Variants in VEPH1 observed in about 807,000 individuals in gnomAD.
The protein encoded by VEPH1 is ventricular zone expressed PH domain containing 1.
Under a neutral mutation model 85.2 loss-of-function variants are expected in VEPH1, and 80 were observed. The ratio of observed to expected loss-of-function variants is 0.94; its 90% CI spans 0.78 to 1.13. The LOEUF (loss-of-function observed/expected upper bound fraction) is 1.13, where lower values mean the gene tolerates loss of function less well. Ranked by LOEUF, VEPH1 falls within the 50% of genes most tolerant of loss-of-function variation. VEPH1 has a pLI of 0.00. For synonymous variants in VEPH1, 297 were observed against 348.0 expected (o/e 0.85, Z 1.63); for missense variants, 955 against 980.5 (o/e 0.97, Z 0.35).
chr3:157,323,001 C>A (rs1721516818), intron 9 of VEPH1, among the ~76,000 whole-genome samples: 1 of 152,076 alleles, frequency 6.6e-6, no homozygotes, highest in South Asian at 2.1e-4. Flanking sequence ...GCAGAACAAA[C>A]TCATTACTTT....
rs187176925 is a variant in VEPH1, at chr3:157,449,197, A to C, written c.529+10984T>G. Among the ~76,000 whole-genome samples the C allele has an allele frequency of 1.7e-4, 26 of 152,314 alleles. 1 individual carries two copies. The highest frequency in any genetic ancestry group is 6.3e-4 in the African/African-American group (26 of 41,544). On this transcript the variant is annotated intron_variant, in intron 4 of 13. Coordinates refer to ENST00000362010, the MANE Select transcript of VEPH1 (RefSeq NM_001167912.2). The stretch of plus-strand genomic sequence containing the variant: ...ATCTTATTTTTTAATTCAAGGGGAA[A>C]CATTAATATTTCCCTAATAAGTATA...
rs778392166 is a variant in VEPH1 at position 157,261,143 on chromosome 3, T to C, written c.2493A>G (p.Thr831=). ...AKERESREVT[T]YL ...GCTGACTTATAAATCCCTACAGATATGTGGTTACTTCTCTACTTTCCCTTT... is the reference window on the plus strand; with the variant it reads ...GCTGACTTATAAATCCCTACAGATACGTGGTTACTTCTCTACTTTCCCTTT... Residue 831 remains threonine, a synonymous_variant, in exon 14 of 14, where the codon ACA becomes ACG. Coordinates refer to ENST00000362010, the MANE Select transcript of VEPH1 (RefSeq NM_001167912.2). The C allele has an allele frequency of 7.4e-6, 12 of 1,613,536 alleles. No individual in the cohort carries two copies. Among genetic ancestry groups the C allele is most frequent in the Admixed American group, 1.7e-5 (1 of 59,974 alleles).
rs565722644 is a variant in VEPH1, at chr3:157,472,019, A to G, written c.139-1490T>C. Among the ~76,000 whole-genome samples the G allele has an allele frequency of 1.9e-4, 29 of 152,188 alleles. No homozygotes were observed. In the South Asian group the frequency reaches 5.8e-3, roughly 30 times the overall value. ...ACAGTTAAAAGTTAATCTCCCTGTC[A>G]GCGCTGTTCCTCATCCGTCCCAGTC... On this transcript the variant is annotated intron_variant, in intron 2 of 13. Coordinates refer to ENST00000362010, the MANE Select transcript of VEPH1 (RefSeq NM_001167912.2).
chr3:157,310,451 A>G (rs1187273639), intron 11 of VEPH1, among the ~76,000 whole-genome samples: 1 of 152,220 alleles, frequency 6.6e-6, no homozygotes, highest in Non-Finnish European at 1.5e-5. Context: ...GGGCACAGAG[A>G]CAAAGGACAC....
intron 4 of VEPH1, among the ~76,000 whole-genome samples, chr3:157,452,215 C>G (rs1427382964): frequency 6.6e-6 from 1 of 152,056 alleles, no homozygotes; most frequent in Non-Finnish European, 1.5e-5. Flanking sequence ...GAGCGGGGGT[C>G]TGGGTACATC....
chr3:157,398,281 G>T (rs940266464), intron 6 of VEPH1, among the ~76,000 whole-genome samples: 2 of 152,168 alleles, frequency 1.3e-5, no homozygotes, highest in African/African-American at 4.8e-5. Flanking sequence ...CAAATTTGGT[G>T]ATCTGTAGTC....
intron 11 of VEPH1, among the ~76,000 whole-genome samples, chr3:157,310,526 T>C (rs1336098738): frequency 1.3e-5 from 2 of 152,198 alleles, no homozygotes; most frequent in Admixed American, 1.3e-4. Context: ...GCTTAACTAC[T>C]CTGATAGGTG....
chr3:157,391,169 C>T (rs548705041), intron 6 of VEPH1, among the ~76,000 whole-genome samples: 1 of 152,334 alleles, frequency 6.6e-6, no homozygotes, highest in South Asian at 2.1e-4. Flanking sequence ...GTGAGTCAAG[C>T]ACAGCCTGCC....
At chr3:157,305,746 GC>G in intron 11 of VEPH1, among the ~76,000 whole-genome samples, 1 of 152,130 alleles carries the variant, frequency 6.6e-6, no homozygotes, top group East Asian at 1.9e-4. Flanking sequence ...TCTTGCTCAA[GC>G]CAGCACTGAT....
At chr3:157,494,783 G>A (rs1739518590) in intron 2 of VEPH1, among the ~76,000 whole-genome samples, 1 of 152,140 alleles carries the variant, frequency 6.6e-6, no homozygotes, top group South Asian at 2.1e-4. Flanking sequence ...TGCGTGGCAG[G>A]AGGTGTCATC....
chr3:157,467,377 T>C (rs1488925296), intron 3 of VEPH1, among the ~76,000 whole-genome samples: 1 of 152,050 alleles, frequency 6.6e-6, no homozygotes, highest in Non-Finnish European at 1.5e-5. Flanking sequence ...GTCTAACTTT[T>C]GAAAGTTGGC....
intron 5 of VEPH1, among the ~76,000 whole-genome samples, chr3:157,425,895 A>G (rs7648322): frequency 0.59 from 89,009 of 151,928 alleles, 26,286 homozygotes; most frequent in East Asian, 0.68. Flanking sequence ...CCCAAATGTT[A>G]TGGGAGGGAC....
At chr3:157,483,139 C>T (rs1738288637) in intron 2 of VEPH1, among the ~76,000 whole-genome samples, 1 of 151,758 alleles carries the variant, frequency 6.6e-6, no homozygotes, top group Non-Finnish European at 1.5e-5. Flanking sequence ...CACACACACA[C>T]ACACACACAC....
At chr3:157,389,604 T>C (rs1032164158) in intron 6 of VEPH1, among the ~76,000 whole-genome samples, 1 of 151,680 alleles carries the variant, frequency 6.6e-6, no homozygotes, top group African/African-American at 2.4e-5. Flanking sequence ...GATGGATGGA[T>C]AGGTAAATAG....
chr3:157,384,173 T>A (rs1266131302), intron 6 of VEPH1, among the ~76,000 whole-genome samples: 1 of 152,086 alleles, frequency 6.6e-6, no homozygotes, highest in Non-Finnish European at 1.5e-5. Context: ...CAAAGGAAAA[T>A]GAAGCAGAAG....
At chr3:157,426,382 T>C (rs550096432) in intron 5 of VEPH1, among the ~76,000 whole-genome samples, 1 of 152,246 alleles carries the variant, frequency 6.6e-6, no homozygotes, top group Admixed American at 6.5e-5. Context: ...TAGCACCTAT[T>C]TGGAGATGAC....
chr3:157,333,100 A>C (rs892460850), intron 9 of VEPH1, among the ~76,000 whole-genome samples: 2 of 152,248 alleles, frequency 1.3e-5, no homozygotes, highest in African/African-American at 4.8e-5. Flanking sequence ...TATTTCCAGG[A>C]ATTTGGCCAG....
intron 1 of VEPH1, among the ~76,000 whole-genome samples, chr3:157,501,536 G>A (rs1560117319): frequency 6.6e-6 from 1 of 152,122 alleles, no homozygotes; most frequent in Admixed American, 6.6e-5. Context: ...TCAAGGTGAC[G>A]TACACTCAAT....
At position 157,370,134 on chromosome 3, in the gene VEPH1, G is replaced by A. The variant is rs76505006; in HGVS notation, c.1128-5622C>T. The stretch of plus-strand genomic sequence containing the variant: ...TTCTGGTCTCTGTTGCCAAAGCAAA[G>A]TTTTTAAAAGTACATCTAGGGATTC... On this transcript the variant is annotated intron_variant, in intron 7 of 13. Transcript: ENST00000362010. 2.4e-3 allele frequency among the ~76,000 whole-genome samples: 360 copies of A among 152,306 alleles called. 5 individuals are homozygous for A. In the East Asian group the frequency reaches 0.038, roughly 16 times the overall value.
Sources: allele counts gnomAD v4.1 joint callset (sites outside exome capture counted in the v4.1 genomes callset), GRCh38; gene constraint gnomAD v4.1.1; transcripts MANE v1.5; gene names NCBI Gene and HGNC (gene_info 2026-07-23, HGNC 2026-07-21).